PCDHA9: variants seen among roughly 807,000 people sequenced by gnomAD.
PCDHA9 encodes the protein protocadherin alpha 9.
Under a neutral mutation model 62.0 loss-of-function variants are expected in PCDHA9, and 62 were observed. The observed-to-expected ratio is 1.00, with a 90% CI of 0.81 to 1.23. The LOEUF is 1.23. PCDHA9 is among the 50% of genes most tolerant of loss of function. The pLI is 0.00. For missense variants in PCDHA9, 1,205 were observed against 1,249.8 expected (o/e 0.96, Z 0.54); for synonymous variants, 557 against 567.6 (o/e 0.98, Z 0.27).
chr5:141,009,372 T>C (rs1026606654), intron 3 of PCDHA9, among the ~76,000 whole-genome samples: 3 of 152,152 alleles, frequency 2.0e-5, no homozygotes, highest in Non-Finnish European at 1.5e-5. Context: ...GATGGGAGGA[T>C]TGATTGAGCA....
chr5:140,902,621 TATTTAGTGGTG>T (rs2069605868), intron 1 of PCDHA9, among the ~76,000 whole-genome samples: 1 of 152,154 alleles, frequency 6.6e-6, no homozygotes, highest in Non-Finnish European at 1.5e-5. Context: ...ATGGGTAAGT[TATTTAGTGGTG>T]ATTTCTGAGA....
At chr5:140,865,675 A>G (rs564629506) in intron 1 of PCDHA9, 8 of 152,324 alleles carry the variant, frequency 5.3e-5, no homozygotes, top group African/African-American at 1.9e-4. Flanking sequence ...AACAATTTCT[A>G]AAGTACATAT....
At chr5:140,857,863 G>A in intron 1 of PCDHA9, 2 of 1,597,840 alleles carry the variant, frequency 1.3e-6, no homozygotes, top group Non-Finnish European at 8.6e-7. Flanking sequence ...ACAACGCGTG[G>A]CTGTCGTATG....
chr5:140,881,106 C>T (rs1233394839), intron 1 of PCDHA9, among the ~76,000 whole-genome samples: 1 of 152,114 alleles, frequency 6.6e-6, no homozygotes, highest in Non-Finnish European at 1.5e-5. Context: ...CACCATTTGG[C>T]CTGGGATTTT....
At chr5:140,881,867 G>A (rs2058853547) in intron 1 of PCDHA9, among the ~76,000 whole-genome samples, 1 of 152,166 alleles carries the variant, frequency 6.6e-6, no homozygotes, top group Non-Finnish European at 1.5e-5. Flanking sequence ...TAAATTTGTG[G>A]CAAAATGAAA....
rs115795241 is a variant in PCDHA9, at chr5:140,931,728, G to A, written c.2395-47221G>A. 2.8e-3 allele frequency among the ~76,000 whole-genome samples: 427 copies of A among 151,850 alleles called. 1 individual carries two copies. The highest frequency in any genetic ancestry group is 4.4e-3 in the Non-Finnish European group (297 of 67,780). ...GAATAAAATAACTTCTATAAATATGGGGTATTTGTAATTCACAAAGGCATT... is the reference window on the plus strand; with the variant it reads ...GAATAAAATAACTTCTATAAATATGAGGTATTTGTAATTCACAAAGGCATT... On this transcript the variant is annotated intron_variant, in intron 1 of 3. Coordinates refer to ENST00000532602, the MANE Select transcript of PCDHA9 (RefSeq NM_031857.2).
chr5:140,917,041 A>G (rs891465527), intron 1 of PCDHA9, among the ~76,000 whole-genome samples: 11 of 152,096 alleles, frequency 7.2e-5, no homozygotes, highest in Non-Finnish European at 1.6e-4. Flanking sequence ...AGTCCAGCAC[A>G]GTGTTGTTCC....
intron 1 of PCDHA9, among the ~76,000 whole-genome samples, chr5:140,955,244 G>A (rs1554221834): frequency 2.0e-5 from 3 of 152,072 alleles, no homozygotes; most frequent in South Asian, 2.1e-4. Flanking sequence ...GCTTAGGATC[G>A]GCTTGGCTAT....
chr5:140,900,543 C>T (rs889758586), intron 1 of PCDHA9, among the ~76,000 whole-genome samples: 2 of 152,210 alleles, frequency 1.3e-5, no homozygotes, highest in African/African-American at 4.8e-5. Context: ...TTCCAAAGTG[C>T]TGGGATTACA....
At chr5:140,895,116 T>C (rs2064856298) in intron 1 of PCDHA9, among the ~76,000 whole-genome samples, 1 of 152,182 alleles carries the variant, frequency 6.6e-6, no homozygotes, top group African/African-American at 2.4e-5. Flanking sequence ...AAGAAGACAT[T>C]TGTTAGTTGA....
At chr5:140,927,343 G>T (rs2084109180) in intron 1 of PCDHA9, 2 of 1,614,016 alleles carry the variant, frequency 1.2e-6, no homozygotes, top group East Asian at 4.5e-5. Flanking sequence ...TGCCCAAGAT[G>T]ACGACGAGGG....
Position 140,956,653 on chromosome 5 carries a change from G to A in PCDHA9, c.2395-22296G>A, listed in dbSNP as rs146062919. ...TGCCAGGTTTTGGTATCAGGATGAT[G>A]CTGGCCTTAAAGGAGTTAGGGAGGA... On this transcript the variant is annotated intron_variant, in intron 1 of 3. Transcript: ENST00000532602. 5.2e-4 allele frequency among the ~76,000 whole-genome samples: 79 copies of A among 152,240 alleles called. 1 individual carries two copies. The highest frequency in any genetic ancestry group is 1.9e-3 in the African/African-American group (79 of 41,558).
At chr5:140,991,277 C>G (rs1210642530) in intron 3 of PCDHA9, among the ~76,000 whole-genome samples, 1 of 152,148 alleles carries the variant, frequency 6.6e-6, no homozygotes, top group African/African-American at 2.4e-5. Flanking sequence ...CTGCTGAACT[C>G]TATACACTTA....
chr5:140,920,853 A>G (rs375783359), intron 1 of PCDHA9, among the ~76,000 whole-genome samples: 2 of 152,062 alleles, frequency 1.3e-5, no homozygotes, highest in Non-Finnish European at 2.9e-5. Context: ...AAAAAAAAAA[A>G]AAAAACAAAC....
In PCDHA9 at chr5:141,011,716, A is replaced by G. The variant is rs975588316; in HGVS notation, c.*1779A>G. 6.5e-6 allele frequency: 1 copy of G among 153,764 alleles called. No homozygotes were observed. Among genetic ancestry groups the G allele is most frequent in the African/African-American group, 2.4e-5 (1 of 41,450 alleles). 9.5% of individuals were successfully genotyped at this position (153,764 alleles called of 1,614,324 possible). On this transcript the variant is annotated 3_prime_UTR_variant, in exon 4 of 4. Transcript: ENST00000532602. Reference sequence around the variant, plus strand: ...TTGGAATGAATACTGACAATATTCCATGAGGGTGTGCAAGCACAAATTTTA... The same window carrying G: ...TTGGAATGAATACTGACAATATTCCGTGAGGGTGTGCAAGCACAAATTTTA...
At chr5:140,863,524 T>A in intron 1 of PCDHA9, 1 of 397,376 alleles carries the variant, frequency 2.5e-6, no homozygotes, top group Non-Finnish European at 4.9e-6. Context: ...CTCCCATGGT[T>A]CAGATTTTGG....
At chr5:140,896,827 T>G (rs1193967071) in intron 1 of PCDHA9, among the ~76,000 whole-genome samples, 1 of 152,214 alleles carries the variant, frequency 6.6e-6, no homozygotes, top group African/African-American at 2.4e-5. Flanking sequence ...TGTTCATAGT[T>G]GTTTTTATTT....
chr5:140,966,674 G>T, intron 1 of PCDHA9: 1 of 1,295,168 alleles, frequency 7.7e-7, no homozygotes, highest in Admixed American at 3.8e-5. Flanking sequence ...GGCGCAGGGT[G>T]GCACGAGCGG....
chr5:140,892,172 G>A (rs2063414943), intron 1 of PCDHA9, among the ~76,000 whole-genome samples: 1 of 152,100 alleles, frequency 6.6e-6, no homozygotes, highest in African/African-American at 2.4e-5. Flanking sequence ...CAGTAACTGG[G>A]ATCCTCATGG....
Sources: gnomAD v4.1 joint callset for allele counts (sites outside exome capture counted in the v4.1 genomes callset) on GRCh38, gnomAD v4.1.1 for gene constraint, MANE v1.5 for transcripts, NCBI Gene and HGNC (gene_info 2026-07-23, HGNC 2026-07-21) for gene names.